The following SYNJ1 variants were observed in gnomAD, a reference collection of about 807,000 sequenced individuals.
The protein encoded by SYNJ1 is polyphosphatidylinositol phosphatase SYNJ1.
SYNJ1 carries 78 observed loss-of-function variants against 168.2 expected under a neutral mutation model. The observed-to-expected ratio is 0.46, with a 90% CI of 0.39 to 0.56. The LOEUF (loss-of-function observed/expected upper bound fraction) is 0.56, where lower values mean the gene tolerates loss of function less well. Among genes scored for constraint, SYNJ1 ranks in the 20% least tolerant of loss-of-function variants. SYNJ1 has a pLI of 0.00. For synonymous variants in SYNJ1, 539 were observed against 548.6 expected, an observed-to-expected ratio of 0.98 and a Z score of 0.24; for missense variants, 1,303 against 1,597.6, an observed-to-expected ratio of 0.82 and a Z score of 3.14.
At chr21:32,728,188 G>A, upstream of SYNJ1, 1 of 942,840 alleles carries the variant, frequency 1.1e-6, no homozygotes, top group Non-Finnish European at 1.5e-6. Context: ...TTTGCCTCCT[G>A]CGGCCGCCCC....
chr21:32,725,877 G>A (rs2043428246), intron 2 of SYNJ1, among the ~76,000 whole-genome samples: 1 of 151,890 alleles, frequency 6.6e-6, no homozygotes. Context: ...GTCTCACTGT[G>A]TTGCCCAAGC....
At chr21:32,710,480 T>G (rs2042787573) in intron 2 of SYNJ1, among the ~76,000 whole-genome samples, 1 of 152,056 alleles carries the variant, frequency 6.6e-6, no homozygotes, top group Non-Finnish European at 1.5e-5. Flanking sequence ...TTTCTCTAAT[T>G]ACCCTAGACC....
intron 18 of SYNJ1, among the ~76,000 whole-genome samples, chr21:32,660,928 G>C (rs944713979): frequency 1.2e-4 from 18 of 152,192 alleles, no homozygotes; most frequent in African/African-American, 4.3e-4. Flanking sequence ...CACCTCAGTG[G>C]CCTTAGGAAA....
chr21:32,653,608 C>G (rs960404527), intron 21 of SYNJ1: 77 of 421,838 alleles, frequency 1.8e-4, no homozygotes, highest in Middle Eastern at 1.4e-3. Context: ...CTGTGCACCT[C>G]CATTTGTGAT....
intron 17 of SYNJ1, 33 bp from the exon 18 acceptor site, chr21:32,665,104 A>G (rs763841738): frequency 1.3e-6 from 2 of 1,564,256 alleles, no homozygotes; most frequent in Admixed American, 3.7e-5. Context: ...TTAAATTCAA[A>G]ACAATCAATG....
intron 2 of SYNJ1, among the ~76,000 whole-genome samples, chr21:32,714,049 T>C (rs929176304): frequency 6.6e-6 from 1 of 152,220 alleles, no homozygotes; most frequent in Non-Finnish European, 1.5e-5. Flanking sequence ...TATAATAATA[T>C]ATCAAGCTGT....
At chr21:32,709,089 A>C (rs1010025046) in intron 2 of SYNJ1, among the ~76,000 whole-genome samples, 3 of 152,270 alleles carry the variant, frequency 2.0e-5, no homozygotes, top group African/African-American at 7.2e-5. Flanking sequence ...GAACAATTAA[A>C]AAGCTAAATA....
At chr21:32,725,621 G>A (rs1308935832) in intron 2 of SYNJ1, among the ~76,000 whole-genome samples, 2 of 152,034 alleles carry the variant, frequency 1.3e-5, no homozygotes, top group Non-Finnish European at 2.9e-5. Context: ...CACTTTAACT[G>A]ACATTAATAT....
intron 2 of SYNJ1, among the ~76,000 whole-genome samples, chr21:32,704,696 G>A (rs2042540846): frequency 6.6e-6 from 1 of 152,174 alleles, no homozygotes; most frequent in Admixed American, 6.5e-5. Context: ...TGCCAGTGGG[G>A]TAAGGAGGGC....
At chr21:32,643,341 G>T in intron 27 of SYNJ1, 69 bp downstream of exon 27, 1 of 1,514,144 alleles carries the variant, frequency 6.6e-7, no homozygotes, top group Non-Finnish European at 9.1e-7. Context: ...CTGCGGGGTG[G>T]GGAGGTGGGG....
intron 17 of SYNJ1, 37 bp from the exon 18 acceptor site, chr21:32,665,108 A>G (rs1183414108): frequency 1.9e-6 from 3 of 1,555,964 alleles, no homozygotes; most frequent in Admixed American, 1.9e-5. Flanking sequence ...ATTCAAAACA[A>G]TCAATGTTCA....
chr21:32,722,208 AT>A lies in SYNJ1; in HGVS notation c.124+4563del, dbSNP rs1569139112. ...CTCAAAGAAAAAAAAAAAAAAAAAT[AT>A]ATATATATATATATATATATATAAT... On this transcript the variant is annotated intron_variant, in intron 2 of 32. Transcript: ENST00000674351. 3.6e-4 allele frequency among the ~76,000 whole-genome samples: 20 copies of A among 55,350 alleles called. 1 individual carries two copies. Among genetic ancestry groups the A allele is most frequent in the Middle Eastern group, 0.011 (1 of 94 alleles). 36.3% of individuals were successfully genotyped at this position (55,350 alleles called of 152,430 possible). A position where few individuals can be genotyped will look rare whatever the true frequency, so the allele number is the denominator to read the frequency against.
rs185503614 is a variant in SYNJ1, at chr21:32,649,629, G to A, written c.3037+555C>T. On this transcript the variant is annotated intron_variant, in intron 23 of 32. Coordinates refer to ENST00000674351, the MANE Select transcript of SYNJ1 (RefSeq NM_203446.3). The stretch of plus-strand genomic sequence containing the variant: ...AACCATACACCAACAATACTAATTT[G>A]GGTATTTATCCAATAAGAATATAAA... Among the ~76,000 whole-genome samples the A allele has an allele frequency of 5.7e-3, 871 of 152,018 alleles. 5 individuals are homozygous for A. Among genetic ancestry groups the A allele is most frequent in the Middle Eastern group, 0.048 (14 of 294 alleles).
rs1266123513 is a variant in SYNJ1 at position 32,646,537 on chromosome 21, T to C, written c.3103A>G (p.Ser1035Gly). The part of the protein sequence containing the change: ...LLPQHLQPSS[S>G]SGLGTSPSSS... ...CTGGGGGAAGTACCAAGGCCGGAACTTGAAGATGGCTGGAGATGCTGAGGA... is the reference window on the plus strand; with the variant it reads ...CTGGGGGAAGTACCAAGGCCGGAACCTGAAGATGGCTGGAGATGCTGAGGA... Residue 1035 changes from serine (S) to glycine (G), a missense_variant, in exon 24 of 33, where the codon AGT becomes GGT. By Grantham distance (56) the Ser-to-Gly change is moderately conservative. Transcript: ENST00000674351. The C allele has an allele frequency of 6.2e-7, 1 of 1,614,034 alleles. No homozygotes were observed. Among genetic ancestry groups the C allele is most frequent in the African/African-American group, 1.3e-5 (1 of 74,918 alleles).
chr21:32,704,226 C>A (rs2042517266), intron 2 of SYNJ1, among the ~76,000 whole-genome samples: 1 of 152,070 alleles, frequency 6.6e-6, no homozygotes, highest in African/African-American at 2.4e-5. Context: ...CAAACAAATG[C>A]CTTGCAGTTT....
chr21:32,641,436 G>A (rs943666697), intron 29 of SYNJ1, among the ~76,000 whole-genome samples: 6 of 151,786 alleles, frequency 4.0e-5, no homozygotes, highest in Admixed American at 2.0e-4. Context: ...ATACCTTTAC[G>A]GAATATGATG....
At position 32,630,917 on chromosome 21, in the gene SYNJ1, A is replaced by G; in HGVS notation, c.*888T>C. On this transcript the variant is annotated 3_prime_UTR_variant, in exon 33 of 33. Transcript: ENST00000674351. ...GTGCACTTACAATGACTTATTGCAC[A>G]TAATGAAATACTAATGCCCAATTCT... 5 of 1,366,520 alleles carry G rather than the reference A, an allele frequency of 3.7e-6. No homozygotes were observed. Among genetic ancestry groups the G allele is most frequent in the Non-Finnish European group, 4.0e-6 (4 of 1,005,194 alleles). 84.6% of individuals were successfully genotyped at this position (1,366,520 alleles called of 1,614,324 possible).
intron 22 of SYNJ1, among the ~76,000 whole-genome samples, chr21:32,652,031 T>C (rs1194217469): frequency 2.0e-5 from 3 of 152,220 alleles, no homozygotes; most frequent in Non-Finnish European, 4.4e-5. Flanking sequence ...TATATGCTAA[T>C]ATTAAGGTTA....
intron 28 of SYNJ1, 28 bp downstream of exon 28, chr21:32,642,067 G>T (rs780612102): frequency 6.2e-7 from 1 of 1,613,982 alleles, no homozygotes. Flanking sequence ...AGTTTTAAGG[G>T]TGAATAGCTA....
Sources: gnomAD v4.1 joint callset for allele counts (sites outside exome capture counted in the v4.1 genomes callset) on GRCh38, gnomAD v4.1.1 for gene constraint, MANE v1.5 for transcripts, NCBI Gene and HGNC (gene_info 2026-07-23, HGNC 2026-07-21) for gene names.